IPO11: variants seen among roughly 807,000 people sequenced by gnomAD.
IPO11 encodes the protein importin 11.
A neutral mutation model predicts 143.2 loss-of-function variants in IPO11; 66 were observed. That is an observed-to-expected ratio of 0.46 (90% CI 0.38 to 0.57). The LOEUF (loss-of-function observed/expected upper bound fraction) is 0.57. Among genes scored for constraint, IPO11 ranks in the 20% least tolerant of loss-of-function variants. IPO11 has a pLI of 0.00. For missense variants in IPO11, 1,026 were observed against 1,141.0 expected (o/e 0.90, Z 1.45); for synonymous variants, 385 against 377.8 (o/e 1.02, Z -0.22).
chr5:62,604,628 A>G (rs1216203219), intron 29 of IPO11, among the ~76,000 whole-genome samples: 1 of 152,110 alleles, frequency 6.6e-6, no homozygotes, highest in Non-Finnish European at 1.5e-5. Flanking sequence ...CATTCTAATT[A>G]TATGTAGTAT....
At chr5:62,439,196 C>A (rs1344750033) in intron 2 of IPO11, among the ~76,000 whole-genome samples, 4 of 151,284 alleles carry the variant, frequency 2.6e-5, no homozygotes, top group African/African-American at 9.7e-5. Context: ...TTAATTACTG[C>A]TGGACCTTAA....
chr5:62,603,104 G>A (rs1176916830), intron 29 of IPO11, among the ~76,000 whole-genome samples: 1 of 152,152 alleles, frequency 6.6e-6, no homozygotes, highest in East Asian at 1.9e-4. Context: ...GTTGTACCAT[G>A]GGCTAATTGA....
intron 27 of IPO11, 135 bp downstream of exon 27, chr5:62,561,392 A>G: frequency 2.5e-6 from 1 of 403,752 alleles, no homozygotes; most frequent in Non-Finnish European, 4.2e-6. Flanking sequence ...GTTAGCTGAT[A>G]ATGATGTGGT....
rs752263397 is a variant in IPO11, at chr5:62,580,687, G to A, written c.2583-10890G>A. On this transcript the variant is annotated intron_variant, in intron 27 of 29. Coordinates refer to ENST00000325324, the MANE Select transcript of IPO11 (RefSeq NM_016338.5). ...AATAAATGTATCCAGAGCTTGGGCT[G>A]TTGTAAAATCTCCTCATATTCATCA... 16 of 1,551,458 alleles carry A rather than the reference G, an allele frequency of 1.0e-5. No homozygotes were observed. The highest frequency in any genetic ancestry group is 9.8e-5 in the East Asian group (4 of 40,920).
Position 62,474,444 on chromosome 5 carries a change from TA to T in IPO11, c.741del (p.Lys247AsnfsTer10). On this transcript the variant is annotated frameshift_variant, in exon 8 of 30. Transcript: ENST00000325324. LOFTEE classifies it high-confidence loss of function. The part of the protein sequence containing the change: ...MGFLHGIFER[L>X]KQFLECSRSI... ...TTTTTACATGGAATATTTGAACGTC[TA>T]AAACAGTTTCTGGAATGCAGTAAGT... is the stretch of plus-strand genomic sequence containing the variant. The T allele has an allele frequency of 1.3e-6, 2 of 1,576,828 alleles. No individual in the cohort carries two copies. The highest frequency in any genetic ancestry group is 1.4e-5 in the African/African-American group (1 of 73,080).
intron 29 of IPO11, among the ~76,000 whole-genome samples, chr5:62,616,350 A>C (rs140475320): frequency 6.6e-6 from 1 of 152,266 alleles, no homozygotes; most frequent in Non-Finnish European, 1.5e-5. Context: ...TTCTTGCCAA[A>C]AGTTTTCTAC....
chr5:62,487,794 A>G lies in IPO11; in HGVS notation c.1242A>G (p.Ile414Met), dbSNP rs2112232064. 1.2e-6 allele frequency: 2 copies of G among 1,604,284 alleles called. No individual in the cohort carries two copies. Among genetic ancestry groups the G allele is most frequent in the East Asian group, 4.5e-5 (2 of 44,598 alleles). Residue 414 changes from isoleucine to methionine, a missense_variant, in exon 13 of 30, where the codon ATA becomes ATG. By Grantham distance (10) the Ile-to-Met change is conservative (BLOSUM62 1). This residue lies in a region of IPO11 where 237 missense variants were observed against 288.0 expected (regional missense o/e 0.82). Coordinates refer to ENST00000325324, the MANE Select transcript of IPO11 (RefSeq NM_016338.5). ...AGCCATGCACTGAAGTATTATTTAT[A>G]GATATATTCCATGAATATAATCAGA... is the stretch of plus-strand genomic sequence containing the variant. ...SLRPCTEVLF[I>M]DIFHEYNQTL... is the part of the protein sequence containing the mutation.
At chr5:62,544,495 TACTG>T (rs1743083328) in intron 24 of IPO11, among the ~76,000 whole-genome samples, 2 of 152,148 alleles carry the variant, frequency 1.3e-5, no homozygotes, top group South Asian at 2.1e-4. Context: ...GCCAATATCA[TACTG>T]AATGGGCAAA....
At chr5:62,481,120 G>T (rs1580229325) in intron 9 of IPO11, among the ~76,000 whole-genome samples, 2 of 151,744 alleles carry the variant, frequency 1.3e-5, no homozygotes, top group African/African-American at 4.8e-5. Flanking sequence ...GGGTTTCACC[G>T]TGTTAGCCAG....
At chr5:62,580,095 A>G (rs1402056933) in intron 27 of IPO11, 2 of 1,551,156 alleles carry the variant, frequency 1.3e-6, no homozygotes, top group Non-Finnish European at 1.7e-6. Flanking sequence ...TAACAAAAGT[A>G]CCATCAAATG....
intron 6 of IPO11, 50 bp from the exon 7 acceptor site, chr5:62,470,200 T>C (rs2112198336): frequency 6.5e-7 from 1 of 1,536,690 alleles, no homozygotes; most frequent in Middle Eastern, 1.7e-4. Context: ...GTGATTGTAA[T>C]TTTAGTAGGA....
At chr5:62,448,967 A>T (rs950668426) in intron 3 of IPO11, among the ~76,000 whole-genome samples, 1 of 152,230 alleles carries the variant, frequency 6.6e-6, no homozygotes, top group African/African-American at 2.4e-5. Context: ...TAATTTAATT[A>T]ATTTAATTCT....
intron 1 of IPO11, among the ~76,000 whole-genome samples, chr5:62,436,277 G>A (rs781496873): frequency 6.6e-6 from 1 of 152,052 alleles, no homozygotes; most frequent in East Asian, 1.9e-4. Context: ...TTTAACAAAG[G>A]AATTCATTTG....
chr5:62,604,709 A>G lies in IPO11; in HGVS notation c.2763+2861A>G, dbSNP rs1206510341. Among the ~76,000 whole-genome samples the G allele has an allele frequency of 2.6e-5, 4 of 152,172 alleles. No individual in the cohort carries two copies. The East Asian group carries it at 5.8e-4, about 22-fold the overall frequency. On this transcript the variant is annotated intron_variant, in intron 29 of 29. Coordinates refer to ENST00000325324, the MANE Select transcript of IPO11 (RefSeq NM_016338.5). The stretch of plus-strand genomic sequence containing the variant: ...TTACTTACTACAGTAGATATTTAAT[A>G]TAGATTTATATTATCATCTCTAGTA...
chr5:62,421,732 TGA>T (rs1458442537), intron 1 of IPO11, among the ~76,000 whole-genome samples: 1 of 152,238 alleles, frequency 6.6e-6, no homozygotes, highest in African/African-American at 2.4e-5. Flanking sequence ...GACTCACAAC[TGA>T]GAGAAAAATT....
rs527673708 is a variant in IPO11 at position 62,601,748 on chromosome 5, T to A, written c.2679-16T>A. The A allele has an allele frequency of 3.1e-5, 44 of 1,433,892 alleles. No homozygotes were observed. The highest frequency in any genetic ancestry group is 1.8e-4 in the South Asian group (12 of 67,916). 88.8% of individuals were successfully genotyped at this position (1,433,892 alleles called of 1,614,324 possible). A position where few individuals can be genotyped will look rare whatever the true frequency, so the allele number is the denominator to read the frequency against. ...ACATTTTTATTTAAAACATGTTTTTTAAAAAATTATTATAGCTGTATGTTG... is the reference window on the plus strand; with the variant it reads ...ACATTTTTATTTAAAACATGTTTTTAAAAAAATTATTATAGCTGTATGTTG... On this transcript the variant is annotated splice_polypyrimidine_tract_variant and intron_variant, in intron 28 of 29. Transcript: ENST00000325324.
intron 29 of IPO11, among the ~76,000 whole-genome samples, chr5:62,616,057 A>AG (rs1202155282): frequency 5.6e-3 from 22 of 3,900 alleles, no homozygotes; most frequent in Non-Finnish European, 2.4e-3. Flanking sequence ...GTGGAGGGGG[A>AG]GGTGGGGGAG....
intron 10 of IPO11, 53 bp from the exon 11 acceptor site, chr5:62,483,957 A>G (rs925681101): frequency 1.1e-4 from 160 of 1,423,460 alleles, no homozygotes; most frequent in Non-Finnish European, 1.5e-4. Context: ...ACATAATCCA[A>G]TGTAGCTACA....
intron 27 of IPO11, among the ~76,000 whole-genome samples, chr5:62,585,285 C>T (rs2112415199): frequency 6.6e-6 from 1 of 152,290 alleles, no homozygotes; most frequent in South Asian, 2.1e-4. Flanking sequence ...CTCCCTTATC[C>T]TCAGTTACCT....
Sources: gnomAD v4.1 joint callset for allele counts (sites outside exome capture counted in the v4.1 genomes callset) on GRCh38, gnomAD v4.1.1 for gene constraint, gnomAD v4.1.1 regional missense constraint, MANE v1.5 for transcripts, NCBI Gene and HGNC (gene_info 2026-07-23, HGNC 2026-07-21) for gene names.